The following SENP1 variants were observed in gnomAD, a reference collection of about 807,000 sequenced individuals.
The protein encoded by SENP1 is SUMO specific peptidase 1.
SENP1 carries 21 observed loss-of-function variants against 93.0 expected under a neutral mutation model. That is an observed-to-expected ratio of 0.23 (90% CI 0.16 to 0.33). The LOEUF (loss-of-function observed/expected upper bound fraction) is 0.33. SENP1 is among the 10% of genes least tolerant of loss of function. The probability of loss-of-function intolerance (pLI) is 1.00; values close to 1 mark genes in which losing one functional copy is unlikely to be tolerated. For missense variants in SENP1, 591 were observed against 758.7 expected (o/e 0.78, Z 2.60); for synonymous variants, 256 against 259.6 (o/e 0.99, Z 0.13).
intron 16 of SENP1, 50 bp downstream of exon 16, chr12:48,046,928 C>A (rs777304718): frequency 8.0e-7 from 1 of 1,249,762 alleles, no homozygotes; most frequent in Non-Finnish European, 1.2e-6. Flanking sequence ...ATTCTTTCCT[C>A]CCCAAATACC....
chr12:48,074,736 T>C lies in SENP1; in HGVS notation c.610A>G (p.Lys204Glu), dbSNP rs1311502160. 2 of 1,613,404 alleles carry C rather than the reference T, an allele frequency of 1.2e-6. No homozygotes were observed. The highest frequency in any genetic ancestry group is 1.7e-6 in the Non-Finnish European group (2 of 1,179,754). The change falls in exon 7 of 18, where the codon AAA (lysine) becomes GAA (glutamate). Residue 204 changes from lysine to glutamate, a missense_variant. This residue lies in a region of SENP1 where 214 missense variants were observed against 243.4 expected (regional missense o/e 0.88). Transcript: ENST00000549518. ...YRQLLQMVTG[K>E]QFTIAKPTTH... Reference sequence around the variant, plus strand: ...GTGGGTTTGGCTATAGTAAACTGTTTCCCTGTGACCATCTGTAGCAGCTGT... The same window carrying C: ...GTGGGTTTGGCTATAGTAAACTGTTCCCCTGTGACCATCTGTAGCAGCTGT...
In SENP1 at chr12:48,045,320, C is replaced by G; in HGVS notation, c.*2G>C. 6.2e-7 allele frequency: 1 copy of G among 1,613,298 alleles called. No homozygotes were observed. The highest frequency in any genetic ancestry group is 8.5e-7 in the Non-Finnish European group (1 of 1,179,442). Reference sequence around the variant, plus strand: ...GTCAAGGTCTGCTAAGTGAGACAGTCTTCACAAGAGTTTTCGGTGGAGGAT... The same window carrying G: ...GTCAAGGTCTGCTAAGTGAGACAGTGTTCACAAGAGTTTTCGGTGGAGGAT... On this transcript the variant is annotated 3_prime_UTR_variant, in exon 18 of 18. Coordinates refer to ENST00000549518, the MANE Select transcript of SENP1 (RefSeq NM_001267594.2).
At chr12:48,101,648 T>C (rs888576876) in intron 1 of SENP1, 132 bp from the exon 2 acceptor site, 2 of 564,242 alleles carry the variant, frequency 3.5e-6, no homozygotes, top group East Asian at 3.3e-5. Context: ...TGGTAAAGAG[T>C]TGACTTGATG....
rs568018044 is a variant in SENP1 at position 48,093,172 on chromosome 12, C to T, written c.220+3171G>A. ...ACTCTGTAATCAAACATGTTATCTA[C>T]AGCAAAATGTGAAAATACTCATTTT... On this transcript the variant is annotated intron_variant, in intron 4 of 17. Transcript: ENST00000549518. 7.9e-5 allele frequency among the ~76,000 whole-genome samples: 12 copies of T among 150,948 alleles called. No homozygotes were observed. In the South Asian group the frequency reaches 2.1e-3, roughly 26 times the overall value.
At chr12:48,098,507 G>T (rs1945709792) in intron 2 of SENP1, among the ~76,000 whole-genome samples, 1 of 152,144 alleles carries the variant, frequency 6.6e-6, no homozygotes, top group East Asian at 1.9e-4. Flanking sequence ...GCCAGGCATG[G>T]TGGCGGGTAC....
intron 9 of SENP1, among the ~76,000 whole-genome samples, chr12:48,070,715 C>T (rs915820324): frequency 2.0e-5 from 3 of 152,130 alleles, no homozygotes; most frequent in African/African-American, 7.2e-5. Context: ...AGGAGGTTAA[C>T]AAATAATCAT....
At chr12:48,050,685 A>G (rs891779323) in intron 13 of SENP1, among the ~76,000 whole-genome samples, 1 of 152,224 alleles carries the variant, frequency 6.6e-6, no homozygotes, top group African/African-American at 2.4e-5. Context: ...TAATGGTGCT[A>G]AAGACTGCCT....
At chr12:48,075,221 C>CAAAA (rs1943984357) in intron 6 of SENP1, among the ~76,000 whole-genome samples, 1 of 150,104 alleles carries the variant, frequency 6.7e-6, no homozygotes, top group Non-Finnish European at 1.5e-5. Context: ...TCTCAAAAAA[C>CAAAA]AAAACAAAAC....
chr12:48,092,353 G>A (rs540273232), intron 4 of SENP1, among the ~76,000 whole-genome samples: 1 of 152,320 alleles, frequency 6.6e-6, no homozygotes, highest in South Asian at 2.1e-4. Context: ...AAAGGAGAGA[G>A]CATAATTGGA....
chr12:48,088,678 A>T, intron 5 of SENP1, 123 bp downstream of exon 5: 2 of 880,004 alleles, frequency 2.3e-6, no homozygotes, highest in South Asian at 1.6e-5. Context: ...TCATATCCTT[A>T]AGGTTTAAAG....
intron 1 of SENP1, among the ~76,000 whole-genome samples, chr12:48,103,464 G>C (rs1946094099): frequency 6.6e-6 from 1 of 152,118 alleles, no homozygotes. Flanking sequence ...AATCCACACT[G>C]ATTTATAATT....
intron 13 of SENP1, among the ~76,000 whole-genome samples, chr12:48,056,588 TATAA>T (rs1942425481): frequency 1.6e-5 from 1 of 63,128 alleles, no homozygotes; most frequent in African/African-American, 9.3e-5. Context: ...ATATTACATA[TATAA>T]ATATATTATT....
rs1235971647 is a variant in SENP1 at position 48,065,491 on chromosome 12, T to A, written c.1119+105A>T. ...CATAACATGCTATGCTACCATACGA[T>A]CTTGGAATTACAACAGCAATTACCC... On this transcript the variant is annotated intron_variant, in intron 11 of 17. Coordinates refer to ENST00000549518, the MANE Select transcript of SENP1 (RefSeq NM_001267594.2). 4.1e-6 allele frequency: 3 copies of A among 736,826 alleles called. No homozygotes were observed. In the South Asian group the frequency reaches 5.3e-5, roughly 13 times the overall value. 45.6% of individuals were successfully genotyped at this position (736,826 alleles called of 1,614,324 possible). A position where few individuals can be genotyped will look rare whatever the true frequency, so the allele number is the denominator to read the frequency against.
At chr12:48,070,352 T>G (rs1943603026) in intron 9 of SENP1, among the ~76,000 whole-genome samples, 1 of 152,274 alleles carries the variant, frequency 6.6e-6, no homozygotes, top group Non-Finnish European at 1.5e-5. Flanking sequence ...CCTATACAAA[T>G]AGTATCCTCC....
intron 16 of SENP1, 83 bp downstream of exon 16, chr12:48,046,895 G>C: frequency 2.3e-6 from 2 of 865,756 alleles, no homozygotes; most frequent in East Asian, 4.9e-5. Context: ...AACACAGGTG[G>C]TCCCTGGGAA....
chr12:48,085,242 A>G (rs773795176), intron 5 of SENP1: 41 of 1,551,552 alleles, frequency 2.6e-5, no homozygotes, highest in Non-Finnish European at 3.5e-5. Flanking sequence ...CCGGGATGAC[A>G]CTGGCATCAT....
At chr12:48,045,793 A>G (rs1033925499) in intron 17 of SENP1, among the ~76,000 whole-genome samples, 1 of 152,228 alleles carries the variant, frequency 6.6e-6, no homozygotes, top group African/African-American at 2.4e-5. Flanking sequence ...TATGGTAGAA[A>G]AATCTGGTAA....
intron 5 of SENP1, among the ~76,000 whole-genome samples, chr12:48,086,866 C>T (rs954364370): frequency 7.9e-5 from 12 of 152,078 alleles, no homozygotes; most frequent in Admixed American, 7.2e-4. Flanking sequence ...TGGCGAAATG[C>T]CGTCTCTACT....
At position 48,068,437 on chromosome 12, in the gene SENP1, C is replaced by T. The variant is rs1187514964; in HGVS notation, c.996-1472G>A. Among the ~76,000 whole-genome samples, 3 of 152,026 alleles carry T rather than the reference C, an allele frequency of 2.0e-5. No individual in the cohort carries two copies. The East Asian group carries it at 5.8e-4, about 29-fold the overall frequency. ...AATGAAAATCCCTATACTATTTAAA[C>T]CTCAACATAATATATAAAAAAGAAT... On this transcript the variant is annotated intron_variant, in intron 9 of 17. Coordinates refer to ENST00000549518, the MANE Select transcript of SENP1 (RefSeq NM_001267594.2).
Sources: allele counts gnomAD v4.1 joint callset (sites outside exome capture counted in the v4.1 genomes callset), GRCh38; gene constraint gnomAD v4.1.1; regional missense constraint gnomAD v4.1.1; transcripts MANE v1.5; gene names NCBI Gene and HGNC (gene_info 2026-07-23, HGNC 2026-07-21).